The following RGS20 variants were observed in gnomAD, a reference collection of about 807,000 sequenced individuals.
RGS20 encodes regulator of G protein signaling 20.
In RGS20, 30 loss-of-function variants were observed where a neutral mutation model predicts 33.6. The observed-to-expected ratio is 0.89, with a 90% confidence interval of 0.67 to 1.21. The LOEUF (loss-of-function observed/expected upper bound fraction) is 1.21. RGS20 is among the 50% of genes most tolerant of loss of function. RGS20 has a pLI of 0.00. For missense variants in RGS20, 472 were observed against 502.4 expected, an observed-to-expected ratio of 0.94 and a Z score of 0.58; for synonymous variants, 208 against 197.9, an observed-to-expected ratio of 1.05 and a Z score of -0.43.
At chr8:53,895,431 C>A (rs747522359) in intron 2 of RGS20, among the ~76,000 whole-genome samples, 3 of 152,088 alleles carry the variant, frequency 2.0e-5, no homozygotes, top group African/African-American at 7.2e-5. Flanking sequence ...TACTGTGGTA[C>A]GCTAAATGAT....
chr8:53,907,511 G>C (rs1813215735), intron 2 of RGS20, among the ~76,000 whole-genome samples: 1 of 151,998 alleles, frequency 6.6e-6, no homozygotes, highest in Non-Finnish European at 1.5e-5. Context: ...TTGAACCCAG[G>C]AGGCTGAGGT....
intron 1 of RGS20, among the ~76,000 whole-genome samples, chr8:53,867,032 G>A (rs932141907): frequency 6.6e-6 from 1 of 152,150 alleles, no homozygotes; most frequent in African/African-American, 2.4e-5. Flanking sequence ...CTTCGGCACA[G>A]ATGAGGAAAC....
intron 2 of RGS20, among the ~76,000 whole-genome samples, chr8:53,887,759 T>G (rs1359736240): frequency 6.6e-6 from 1 of 152,046 alleles, no homozygotes; most frequent in Non-Finnish European, 1.5e-5. Flanking sequence ...GGTGGATCAC[T>G]TGAGCCCAGG....
intron 1 of RGS20, chr8:53,876,185 C>T (rs942746736): frequency 1.1e-4 from 17 of 152,218 alleles, no homozygotes; most frequent in African/African-American, 3.9e-4. Context: ...TAAAGAGTCT[C>T]AGAAATTTTT....
At chr8:53,945,008 A>G (rs1309089236) in intron 3 of RGS20, among the ~76,000 whole-genome samples, 2 of 152,338 alleles carry the variant, frequency 1.3e-5, no homozygotes, top group Middle Eastern at 3.4e-3. Flanking sequence ...AAATATTACC[A>G]TGTGAAATGG....
At chr8:53,874,131 T>C (rs1195412814) in intron 1 of RGS20, among the ~76,000 whole-genome samples, 1 of 151,988 alleles carries the variant, frequency 6.6e-6, no homozygotes, top group East Asian at 1.9e-4. Context: ...AGCCAGGCGG[T>C]AGAGGCTGCA....
At chr8:53,859,369 C>A (rs532588965) in intron 1 of RGS20, among the ~76,000 whole-genome samples, 2 of 152,232 alleles carry the variant, frequency 1.3e-5, no homozygotes, top group Admixed American at 1.3e-4. Flanking sequence ...AAAATCCTGG[C>A]TAGCTTTAGT....
intron 1 of RGS20, chr8:53,876,599 A>AT (rs1249729571): frequency 5.3e-5 from 8 of 152,204 alleles, no homozygotes; most frequent in Admixed American, 1.3e-4. Flanking sequence ...CTCAGATCGA[A>AT]TTTTTTGGCT....
chr8:53,897,500 C>A (rs756492606), intron 2 of RGS20, among the ~76,000 whole-genome samples: 1 of 152,192 alleles, frequency 6.6e-6, no homozygotes, highest in Non-Finnish European at 1.5e-5. Context: ...AGGAACTTAT[C>A]TTTTACTAAG....
intron 2 of RGS20, among the ~76,000 whole-genome samples, chr8:53,919,346 C>CTTT (rs1320840458): frequency 1.6e-4 from 23 of 141,092 alleles, no homozygotes; most frequent in African/African-American, 5.5e-4. Context: ...TGTCTTTTCA[C>CTTT]TTTTTTTTTT....
At chr8:53,887,083 C>A in intron 2 of RGS20, 1 of 162,738 alleles carries the variant, frequency 6.1e-6, no homozygotes, top group South Asian at 1.6e-4. Flanking sequence ...AGTGGCTGGC[C>A]ATAAAAACTC....
At chr8:53,939,532 G>C (rs1814225637) in intron 2 of RGS20, 44 bp from the exon 2 acceptor site, 2 of 1,438,308 alleles carry the variant, frequency 1.4e-6, no homozygotes, top group Non-Finnish European at 1.8e-6. Flanking sequence ...CCTTCATAAC[G>C]CTGGAACCCC....
At chr8:53,915,305 C>T (rs1813453818) in intron 2 of RGS20, among the ~76,000 whole-genome samples, 1 of 152,158 alleles carries the variant, frequency 6.6e-6, no homozygotes, top group African/African-American at 2.4e-5. Flanking sequence ...TCTCTCCTTT[C>T]CGAGCTCTGC....
intron 2 of RGS20, among the ~76,000 whole-genome samples, chr8:53,937,286 T>A (rs1288017020): frequency 1.3e-5 from 2 of 151,534 alleles, no homozygotes; most frequent in African/African-American, 2.4e-5. Context: ...GAACTTAAAG[T>A]ATAATAATAA....
In RGS20 at chr8:53,937,119, C is replaced by T. The variant is rs533549595; in HGVS notation, c.511-2457C>T. ...AAACACTTGGACACAGGGTGGGGAA[C>T]ATCACACACCAGGGCCTGTCGTGGA... On this transcript the variant is annotated intron_variant, in intron 2 of 5. Coordinates refer to ENST00000297313, the MANE Select transcript of RGS20 (RefSeq NM_170587.4). Among the ~76,000 whole-genome samples, 104 of 152,056 alleles carry T rather than the reference C, an allele frequency of 6.8e-4. 4 individuals are homozygous for T. The South Asian group carries it at 0.021, about 30-fold the overall frequency.
At chr8:53,923,794 A>G (rs1303506139) in intron 2 of RGS20, among the ~76,000 whole-genome samples, 1 of 152,152 alleles carries the variant, frequency 6.6e-6, no homozygotes, top group Admixed American at 6.5e-5. Flanking sequence ...ATTTTCTAAT[A>G]TCCTTGCAAC....
chr8:53,868,019 G>A (rs1811960927), intron 1 of RGS20, among the ~76,000 whole-genome samples: 1 of 152,046 alleles, frequency 6.6e-6, no homozygotes, highest in Non-Finnish European at 1.5e-5. Context: ...CCAAAGCTGG[G>A]TCATTCTTTT....
At chr8:53,916,857 C>T (rs1813498189) in intron 2 of RGS20, among the ~76,000 whole-genome samples, 1 of 152,228 alleles carries the variant, frequency 6.6e-6, no homozygotes, top group Middle Eastern at 3.4e-3. Context: ...TCCTGGTTGC[C>T]AGAAACCAGG....
rs1462643532 is a variant in RGS20, at chr8:53,958,595, A to G, written c.*137A>G. 2 of 415,150 alleles carry G rather than the reference A, an allele frequency of 4.8e-6. No homozygotes were observed. The highest frequency in any genetic ancestry group is 8.1e-6 in the Non-Finnish European group (2 of 246,954). 25.7% of individuals were successfully genotyped at this position (415,150 alleles called of 1,614,324 possible). ...ATTCTAATAACAGATGATTCCTTCA[A>G]CAGACTGCTATATATTCACCATGTA... is the stretch of plus-strand genomic sequence containing the variant. On this transcript the variant is annotated 3_prime_UTR_variant, in exon 6 of 6. Transcript: ENST00000297313.
Sources: gnomAD v4.1 joint callset for allele counts (sites outside exome capture counted in the v4.1 genomes callset) on GRCh38, gnomAD v4.1.1 for gene constraint, MANE v1.5 for transcripts, NCBI Gene and HGNC (gene_info 2026-07-23, HGNC 2026-07-21) for gene names.